TUSC3: variants seen among roughly 807,000 people sequenced by gnomAD.
TUSC3 encodes the protein tumor suppressor candidate 3.
Under a neutral mutation model 44.8 loss-of-function variants are expected in TUSC3, and 45 were observed. The observed-to-expected ratio is 1.00, with a 90% CI of 0.79 to 1.29. TUSC3 has a LOEUF of 1.29. TUSC3 is among the 50% of genes most tolerant of loss of function. TUSC3 has a pLI of 0.00. For missense variants in TUSC3, 519 were observed against 437.9 expected (o/e 1.19, Z -1.65); for synonymous variants, 212 against 152.9 (o/e 1.39, Z -2.85).
intron 1 of TUSC3, among the ~76,000 whole-genome samples, chr8:15,573,202 C>CTATATATATATATA (rs373565575): frequency 8.1e-5 from 6 of 74,190 alleles, no homozygotes; most frequent in East Asian, 4.7e-4. Flanking sequence ...CTCTCTCTCT[C>CTATATATATATATA]TATATATATA....
chr8:15,493,711 A>C (rs1239720988), intron 2 of TUSC3, among the ~76,000 whole-genome samples: 1 of 152,216 alleles, frequency 6.6e-6, no homozygotes, highest in Non-Finnish European at 1.5e-5. Context: ...GAAAAAGAAG[A>C]CACTGCATAT....
At chr8:15,759,695 C>T (rs928896667) in intron 10 of TUSC3, among the ~76,000 whole-genome samples, 5 of 151,996 alleles carry the variant, frequency 3.3e-5, no homozygotes, top group Non-Finnish European at 5.9e-5. Flanking sequence ...TGTAACATGG[C>T]ATTCTTACAC....
chr8:15,472,951 C>T (rs1800514029), intron 1 of TUSC3, among the ~76,000 whole-genome samples: 1 of 152,264 alleles, frequency 6.6e-6, no homozygotes, highest in East Asian at 1.9e-4. Flanking sequence ...AATAGACTCT[C>T]AGTGAGGTTA....
intron 6 of TUSC3, among the ~76,000 whole-genome samples, chr8:15,694,435 CAAAAAAAAAA>C (rs146718595): frequency 1.1e-4 from 9 of 83,216 alleles, no homozygotes; most frequent in Non-Finnish European, 8.6e-5. Context: ...AAACTCCATC[CAAAAAAAAAA>C]AAAAAAAAAA....
At chr8:15,515,660 A>T (rs75242617) in intron 2 of TUSC3, among the ~76,000 whole-genome samples, 1 of 151,910 alleles carries the variant, frequency 6.6e-6, no homozygotes, top group Admixed American at 6.6e-5. Flanking sequence ...AAATATATAT[A>T]TATGTATGTA....
At chr8:15,608,252 A>T (rs1429454005) in intron 1 of TUSC3, among the ~76,000 whole-genome samples, 2 of 151,832 alleles carry the variant, frequency 1.3e-5, no homozygotes, top group African/African-American at 4.8e-5. Context: ...TATCCTCAAG[A>T]GGTTCCTCTC....
rs55661131 is a variant in TUSC3, at chr8:15,448,108, C to CATATACAT, written n.91+30808_91+30809insCATATATA. On this transcript the variant is annotated intron_variant and non_coding_transcript_variant, in intron 1 of 5. Coordinates refer to the TUSC3 transcript ENST00000503191. ...ATTCAACTGTATGGTAGTGTATATA[C>CATATACAT]ATATATATATATTTATTTATTTATT... Among the ~76,000 whole-genome samples the CATATACAT allele has an allele frequency of 1.6e-4, 15 of 96,454 alleles. 2 individuals are homozygous for CATATACAT. The highest frequency in any genetic ancestry group is 7.2e-4 in the African/African-American group (14 of 19,328). 63.3% of individuals were successfully genotyped at this position (96,454 alleles called of 152,430 possible). A position where few individuals can be genotyped will look rare whatever the true frequency, so the allele number is the denominator to read the frequency against.
the TUSC3 span, among the ~76,000 whole-genome samples, chr8:15,818,251 A>T: frequency 6.6e-6 from 1 of 152,178 alleles, no homozygotes; most frequent in Non-Finnish European, 1.5e-5. Flanking sequence ...TTTTTTAGTG[A>T]TGGAGAGAGC....
At chr8:15,747,815 T>A (rs1222078855) in intron 8 of TUSC3, among the ~76,000 whole-genome samples, 3 of 152,106 alleles carry the variant, frequency 2.0e-5, no homozygotes, top group African/African-American at 7.2e-5. Context: ...TTTTCTCCCC[T>A]CTGGTTTTCA....
intron 7 of TUSC3, among the ~76,000 whole-genome samples, chr8:15,735,417 C>A (rs938192181): frequency 3.9e-5 from 6 of 151,922 alleles, no homozygotes; most frequent in Non-Finnish European, 8.8e-5. Flanking sequence ...AATGTTTAGC[C>A]CAAAAAAGTT....
intron 1 of TUSC3, among the ~76,000 whole-genome samples, chr8:15,589,439 C>A (rs1247856863): frequency 6.6e-6 from 1 of 151,930 alleles, no homozygotes; most frequent in Non-Finnish European, 1.5e-5. Context: ...GTAAATTGAT[C>A]AATTCGAAAC....
At chr8:15,732,282 T>C (rs1302959156) in intron 7 of TUSC3, among the ~76,000 whole-genome samples, 4 of 152,100 alleles carry the variant, frequency 2.6e-5, no homozygotes, top group Admixed American at 2.6e-4. Context: ...TGGGAGGTAA[T>C]TGAATTTTGG....
intron 6 of TUSC3, among the ~76,000 whole-genome samples, chr8:15,682,595 C>T (rs1488418495): frequency 6.6e-6 from 1 of 152,036 alleles, no homozygotes; most frequent in Non-Finnish European, 1.5e-5. Context: ...TATTTTAATG[C>T]AGTTTTCCCC....
chr8:15,662,479 T>C (rs532141451), intron 5 of TUSC3, among the ~76,000 whole-genome samples, 183 bp downstream of exon 5: 6 of 71,184 alleles, frequency 8.4e-5, no homozygotes, highest in Non-Finnish European at 1.8e-4. Context: ...GCTATCTTCC[T>C]TCAACTTTTC....
intron 1 of TUSC3, among the ~76,000 whole-genome samples, chr8:15,595,047 A>ATGTC (rs1230390047): frequency 6.6e-6 from 1 of 152,046 alleles, no homozygotes; most frequent in African/African-American, 2.4e-5. Context: ...TCTAAGGGGG[A>ATGTC]CTGGAACAGA....
chr8:15,733,182 ACTC>A (rs1467096686), intron 7 of TUSC3, among the ~76,000 whole-genome samples: 1 of 152,004 alleles, frequency 6.6e-6, no homozygotes, highest in Non-Finnish European at 1.5e-5. Context: ...AGACATATCT[ACTC>A]CTCTCTATTA....
chr8:15,731,369 C>G (rs1563194762), intron 7 of TUSC3, among the ~76,000 whole-genome samples: 2 of 152,102 alleles, frequency 1.3e-5, no homozygotes, highest in Admixed American at 1.3e-4. Context: ...CATTGATTCT[C>G]ATTATGAGAA....
chr8:15,740,324 C>G (rs891761816), intron 7 of TUSC3, among the ~76,000 whole-genome samples: 2 of 151,996 alleles, frequency 1.3e-5, no homozygotes, highest in Non-Finnish European at 2.9e-5. Flanking sequence ...CAGGAAACAA[C>G]CACCAAAACT....
chr8:15,687,330 G>A (rs995423657), intron 6 of TUSC3, among the ~76,000 whole-genome samples: 3 of 152,134 alleles, frequency 2.0e-5, no homozygotes, highest in Middle Eastern at 3.4e-3. Context: ...TCAGAGCCTC[G>A]CTTCTTATTG....
Sources: gnomAD v4.1 joint callset for allele counts (sites outside exome capture counted in the v4.1 genomes callset) on GRCh38, gnomAD v4.1.1 for gene constraint, MANE v1.5 for transcripts, NCBI Gene and HGNC (gene_info 2026-07-23, HGNC 2026-07-21) for gene names.